Variants in STRN3 observed in about 807,000 individuals in gnomAD.
STRN3 encodes striatin-3.
In STRN3, 29 loss-of-function variants were observed where a neutral mutation model predicts 95.6. The observed-to-expected ratio is 0.30, with a 90% confidence interval of 0.23 to 0.41. STRN3 has a LOEUF of 0.41. Among genes scored for constraint, STRN3 ranks in the 10% least tolerant of loss-of-function variants. The pLI, the probability that STRN3 is intolerant of heterozygous loss-of-function variation, is 1.00. For missense variants in STRN3, 890 were observed against 972.1 expected, an observed-to-expected ratio of 0.92 and a Z score of 1.12; for synonymous variants, 331 against 357.6, an observed-to-expected ratio of 0.93 and a Z score of 0.84.
At position 30,924,327 on chromosome 14, in the gene STRN3, G is replaced by A. The variant is rs563972323; in HGVS notation, c.1099+4874C>T. ...TTTTTTGAGATGGTCTCCCTCTGTC[G>A]CCCAGGCTGGAGTGCAGTGGCGCGA... is the stretch of plus-strand genomic sequence containing the variant. On this transcript the variant is annotated intron_variant, in intron 8 of 17. Coordinates refer to ENST00000357479, the MANE Select transcript of STRN3 (RefSeq NM_001083893.2). 1.3e-3 allele frequency among the ~76,000 whole-genome samples: 133 copies of A among 102,300 alleles called. 1 individual carries two copies. In the Middle Eastern group the frequency reaches 0.037, roughly 28 times the overall value. 67.1% of individuals were successfully genotyped at this position (102,300 alleles called of 152,430 possible). A position where few individuals can be genotyped will look rare whatever the true frequency, so the allele number is the denominator to read the frequency against.
At chr14:30,938,422 T>C (rs553913972) in intron 5 of STRN3, among the ~76,000 whole-genome samples, 44 of 152,296 alleles carry the variant, frequency 2.9e-4, no homozygotes, top group Non-Finnish European at 4.9e-4. Flanking sequence ...AATGATACAA[T>C]AATTTAAAAG....
chr14:31,006,268 A>G (rs1465200820), intron 1 of STRN3, among the ~76,000 whole-genome samples: 1 of 152,180 alleles, frequency 6.6e-6, no homozygotes, highest in East Asian at 1.9e-4. Flanking sequence ...TTTAAAAGAA[A>G]TCTAGGCTGG....
intron 1 of STRN3, among the ~76,000 whole-genome samples, chr14:31,006,545 A>C (rs1021657763): frequency 1.3e-5 from 2 of 151,954 alleles, no homozygotes; most frequent in Non-Finnish European, 2.9e-5. Flanking sequence ...AAAATATAAA[A>C]AAAGGCTGGG....
At chr14:31,018,749 C>T (rs971624734) in intron 1 of STRN3, 9 of 469,914 alleles carry the variant, frequency 1.9e-5, no homozygotes, top group East Asian at 1.2e-4. Flanking sequence ...CATGGTGCTC[C>T]GAACTTGCTC....
At chr14:30,953,907 G>C (rs182825018) in intron 3 of STRN3, among the ~76,000 whole-genome samples, 34 of 152,216 alleles carry the variant, frequency 2.2e-4, no homozygotes, top group Admixed American at 4.6e-4. Flanking sequence ...GGGATTACAG[G>C]AATGAGCCAC....
At chr14:30,967,237 A>C (rs1213741167) in intron 1 of STRN3, among the ~76,000 whole-genome samples, 2 of 39,012 alleles carry the variant, frequency 5.1e-5, no homozygotes, top group South Asian at 7.7e-4. Flanking sequence ...AGGGTGGGGC[A>C]GGGTGGGGGG....
intron 3 of STRN3, among the ~76,000 whole-genome samples, chr14:30,952,120 AC>A (rs1285615276): frequency 7.0e-6 from 1 of 142,864 alleles, no homozygotes; most frequent in Non-Finnish European, 1.6e-5. Flanking sequence ...CCTGTCTTAA[AC>A]AACAAAAAAA....
intron 1 of STRN3, among the ~76,000 whole-genome samples, chr14:30,959,198 C>T (rs533649223): frequency 1.2e-4 from 19 of 152,170 alleles, no homozygotes; most frequent in South Asian, 4.1e-4. Flanking sequence ...TGGCGGTGCA[C>T]GCCTGTTATC....
chr14:30,932,722 T>C (rs550352217), intron 7 of STRN3, among the ~76,000 whole-genome samples: 5 of 152,292 alleles, frequency 3.3e-5, no homozygotes, highest in East Asian at 1.9e-4. Flanking sequence ...TTGTACATAA[T>C]ATAGAAACTA....
intron 8 of STRN3, among the ~76,000 whole-genome samples, chr14:30,923,813 A>G (rs1003673370): frequency 3.9e-5 from 6 of 152,186 alleles, no homozygotes; most frequent in Admixed American, 2.6e-4. Flanking sequence ...CAAATATCAA[A>G]GAAAGTCTTA....
chr14:30,920,898 T>C (rs902041659), intron 8 of STRN3, among the ~76,000 whole-genome samples: 1 of 152,158 alleles, frequency 6.6e-6, no homozygotes, highest in Non-Finnish European at 1.5e-5. Context: ...TCTGATCCTA[T>C]TTTTTCTACC....
intron 5 of STRN3, among the ~76,000 whole-genome samples, chr14:30,937,188 C>T (rs1175707598): frequency 1.3e-5 from 2 of 151,978 alleles, no homozygotes; most frequent in African/African-American, 2.4e-5. Flanking sequence ...GTGGTGTGTG[C>T]CTATAGTCTC....
intron 8 of STRN3, among the ~76,000 whole-genome samples, chr14:30,927,116 C>T (rs1878218802): frequency 6.6e-6 from 1 of 151,888 alleles, no homozygotes; most frequent in Non-Finnish European, 1.5e-5. Flanking sequence ...CCAGCTTGGG[C>T]AATACAGAGA....
chr14:30,929,232 C>T lies in STRN3; in HGVS notation c.1068G>A (p.Lys356=). 6.2e-7 allele frequency: 1 copy of T among 1,613,086 alleles called. No individual in the cohort carries two copies. The change falls in exon 8 of 18, where the codon AAG becomes AAA. Residue 356 remains lysine (K), a synonymous_variant. Transcript: ENST00000357479. The part of the protein sequence containing the change: ...GLISKLKEQY[K]KERKGKKGVK... ...CCCCTTTCTTCCCCTTTCGTTCCTT[C>T]TTGTACTGTTCCTTCAGTTTACTTA...
chr14:30,976,907 T>C (rs571166212), intron 1 of STRN3, among the ~76,000 whole-genome samples: 2 of 152,200 alleles, frequency 1.3e-5, no homozygotes, highest in South Asian at 2.1e-4. Flanking sequence ...CTGGCCAACA[T>C]GGTGAAACCC....
chr14:30,987,831 G>A lies in STRN3; in HGVS notation c.283-31589C>T, dbSNP rs567441658. Among the ~76,000 whole-genome samples the A allele has an allele frequency of 2.8e-4, 42 of 151,632 alleles. 2 individuals are homozygous for A. In the South Asian group the frequency reaches 7.1e-3, roughly 26 times the overall value. On this transcript the variant is annotated intron_variant, in intron 1 of 17. Transcript: ENST00000357479. ...CTTGGTACTGCAACCTCTGCCTCCC[G>A]GGTTCAAGCAATTCTCCTGCCTCAG... is the stretch of plus-strand genomic sequence containing the variant.
chr14:30,906,914 T>C lies in STRN3; in HGVS notation c.1851A>G (p.Glu617=). The stretch of plus-strand genomic sequence containing the variant: ...TGTAAGTGCAAATACATGGCAATTT[T>C]TCTTGTGGATTCCATAACCTAACAG... ...DGTVRLWNPQ[E]KLPCICTYNG... is the part of the protein sequence containing the mutation. The change falls in exon 14 of 18, where the codon GAA becomes GAG. Residue 617 remains glutamate, a synonymous_variant. Coordinates refer to ENST00000357479, the MANE Select transcript of STRN3 (RefSeq NM_001083893.2). 1.2e-6 allele frequency: 2 copies of C among 1,613,470 alleles called. No individual in the cohort carries two copies. The highest frequency in any genetic ancestry group is 8.5e-7 in the Non-Finnish European group (1 of 1,179,812).
In STRN3 at chr14:30,979,461, T is replaced by A. The variant is rs1489345842; in HGVS notation, c.283-23219A>T. Among the ~76,000 whole-genome samples, 13 of 152,146 alleles carry A rather than the reference T, an allele frequency of 8.5e-5. No individual in the cohort carries two copies. The East Asian group carries it at 2.5e-3, about 29-fold the overall frequency. On this transcript the variant is annotated intron_variant, in intron 1 of 17. Coordinates refer to ENST00000357479, the MANE Select transcript of STRN3 (RefSeq NM_001083893.2). ...ATCTGAAGTGTACTTCAGGCAAAAATTAATTTTTATAAACTTGTTTCCATA... is the reference window on the plus strand; with the variant it reads ...ATCTGAAGTGTACTTCAGGCAAAAAATAATTTTTATAAACTTGTTTCCATA...
chr14:30,951,823 TAA>T, intron 3 of STRN3, among the ~76,000 whole-genome samples: 1 of 152,074 alleles, frequency 6.6e-6, no homozygotes, highest in East Asian at 1.9e-4. Context: ...AAAAAAATAA[TAA>T]AAAGAGATTA....
Sources: gnomAD v4.1 joint callset for allele counts (sites outside exome capture counted in the v4.1 genomes callset) on GRCh38, gnomAD v4.1.1 for gene constraint, MANE v1.5 for transcripts, NCBI Gene and HGNC (gene_info 2026-07-23, HGNC 2026-07-21) for gene names.